MEI4: variants seen among roughly 807,000 people sequenced by gnomAD.
MEI4 encodes meiosis-specific protein MEI4.
In MEI4, 27 loss-of-function variants were observed where a neutral mutation model predicts 31.4. The ratio of observed to expected loss-of-function variants is 0.86; its 90% CI spans 0.63 to 1.19. MEI4 has a LOEUF of 1.19. Ranked by LOEUF, MEI4 falls within the 50% of genes most tolerant of loss-of-function variation. MEI4 has a pLI of 0.00. For synonymous variants in MEI4, 122 were observed against 145.4 expected, an observed-to-expected ratio of 0.84 and a Z score of 1.16; for missense variants, 329 against 398.9, an observed-to-expected ratio of 0.82 and a Z score of 1.49.
chr6:77,761,770 C>A (rs1768050624), intron 3 of MEI4, 105 bp downstream of exon 3: 12 of 738,380 alleles, frequency 1.6e-5, no homozygotes, highest in Non-Finnish European at 2.2e-5. Context: ...CTCAAGGAAT[C>A]CCTTATTGGG....
chr6:77,731,515 A>T (rs1165691033), intron 2 of MEI4, among the ~76,000 whole-genome samples: 5 of 151,252 alleles, frequency 3.3e-5, no homozygotes, highest in Non-Finnish European at 1.5e-5. Context: ...TTCATTGTAG[A>T]TTCTGGATAT....
At chr6:77,886,299 T>C (rs1771616233) in intron 4 of MEI4, among the ~76,000 whole-genome samples, 1 of 152,198 alleles carries the variant, frequency 6.6e-6, no homozygotes, top group African/African-American at 2.4e-5. Context: ...TGCACTTTTC[T>C]TTGTTGAGAG....
intron 4 of MEI4, among the ~76,000 whole-genome samples, chr6:77,844,637 TTTAA>T (rs1770436724): frequency 6.6e-6 from 1 of 152,182 alleles, no homozygotes; most frequent in Admixed American, 6.6e-5. Flanking sequence ...TATAAGTGTT[TTTAA>T]TTCTAAAATT....
chr6:77,712,842 G>A (rs1448391535), intron 2 of MEI4, among the ~76,000 whole-genome samples: 1 of 151,844 alleles, frequency 6.6e-6, no homozygotes, highest in Non-Finnish European at 1.5e-5. Context: ...GTGGTGGTGG[G>A]CGCCTGTAGT....
intron 2 of MEI4, among the ~76,000 whole-genome samples, chr6:77,758,798 G>A (rs1316041171): frequency 6.6e-6 from 1 of 151,868 alleles, no homozygotes; most frequent in Non-Finnish European, 1.5e-5. Flanking sequence ...TTTTTTATTT[G>A]TTTTTAATTG....
At chr6:77,771,912 C>T (rs12210144) in intron 3 of MEI4, among the ~76,000 whole-genome samples, 8,502 of 151,966 alleles carry the variant, frequency 0.056, 651 homozygotes, top group African/African-American at 0.17. Flanking sequence ...TATAACAAAC[C>T]TGCACCTGTA....
chr6:77,897,404 T>C (rs554197414), intron 4 of MEI4, among the ~76,000 whole-genome samples: 178 of 152,158 alleles, frequency 1.2e-3, no homozygotes, highest in Non-Finnish European at 2.2e-3. Context: ...ATTTTGCTAT[T>C]ACCTTGTTAC....
At chr6:77,688,876 C>T (rs1769107068) in intron 1 of MEI4, among the ~76,000 whole-genome samples, 2 of 151,990 alleles carry the variant, frequency 1.3e-5, no homozygotes. Flanking sequence ...GTCCACTGCT[C>T]CTATCGCTGA....
chr6:77,735,332 T>C (rs992356252), intron 2 of MEI4, among the ~76,000 whole-genome samples: 1 of 151,852 alleles, frequency 6.6e-6, no homozygotes, highest in Non-Finnish European at 1.5e-5. Context: ...TTTGCTCATT[T>C]CTTTTTATTC....
chr6:77,662,868 G>GA (rs1768539074), intron 1 of MEI4, among the ~76,000 whole-genome samples: 1 of 152,162 alleles, frequency 6.6e-6, no homozygotes, highest in East Asian at 1.9e-4. Context: ...ATAGGTAACA[G>GA]ATGAGGAAGA....
chr6:77,663,597 C>T (rs1480533274), intron 1 of MEI4, among the ~76,000 whole-genome samples: 1 of 152,020 alleles, frequency 6.6e-6, no homozygotes, highest in Admixed American at 6.6e-5. Flanking sequence ...AAGTTGGCAC[C>T]AGAGTTGGGG....
chr6:77,767,388 GAATAAATA>G (rs550095694), intron 3 of MEI4, among the ~76,000 whole-genome samples: 2 of 148,810 alleles, frequency 1.3e-5, no homozygotes, highest in Non-Finnish European at 1.5e-5. Context: ...ATAAATAAAT[GAATAAATA>G]AATAAATAAA....
intron 2 of MEI4, among the ~76,000 whole-genome samples, chr6:77,737,923 C>T (rs1468866960): frequency 1.3e-5 from 2 of 152,166 alleles, no homozygotes; most frequent in Non-Finnish European, 2.9e-5. Context: ...GTTTCAGCTT[C>T]TGAAGTCAAG....
chr6:77,703,541 A>G (rs568053644), intron 2 of MEI4, among the ~76,000 whole-genome samples: 4 of 152,038 alleles, frequency 2.6e-5, no homozygotes, highest in Non-Finnish European at 5.9e-5. Context: ...AATCATCTTT[A>G]TATTTAGGAT....
chr6:77,819,141 G>T (rs1467164275), intron 3 of MEI4, among the ~76,000 whole-genome samples: 1 of 152,098 alleles, frequency 6.6e-6, no homozygotes, highest in Non-Finnish European at 1.5e-5. Context: ...AAAGTGATAT[G>T]TTAATTTTAA....
rs982849379 is a variant in MEI4, at chr6:77,925,310, C to T, written c.*1964C>T. 1 of 151,736 alleles carries T rather than the reference C, an allele frequency of 6.6e-6. No individual in the cohort carries two copies. 9.4% of individuals were successfully genotyped at this position (151,736 alleles called of 1,614,324 possible). A position where few individuals can be genotyped will look rare whatever the true frequency, so the allele number is the denominator to read the frequency against. On this transcript the variant is annotated 3_prime_UTR_variant, in exon 5 of 5. Transcript: ENST00000684080. ...ACTGTGAATGCACAAAATGGAGAAA[C>T]ATTTTATTTCCATTTGGTATCCATT...
chr6:77,818,895 AT>A (rs148768677), intron 3 of MEI4, among the ~76,000 whole-genome samples: 20 of 147,902 alleles, frequency 1.4e-4, no homozygotes, highest in Admixed American at 2.7e-4. Context: ...ACACCCAACT[AT>A]TTTTTTTTTA....
At chr6:77,728,943 G>A (rs888817431) in intron 2 of MEI4, among the ~76,000 whole-genome samples, 2 of 152,194 alleles carry the variant, frequency 1.3e-5, no homozygotes, top group Non-Finnish European at 2.9e-5. Flanking sequence ...AGGGGATATA[G>A]TAGAACTGTG....
intron 3 of MEI4, among the ~76,000 whole-genome samples, chr6:77,802,117 A>C (rs981940315): frequency 6.6e-6 from 1 of 152,116 alleles, no homozygotes; most frequent in East Asian, 1.9e-4. Flanking sequence ...GTCTCTTTGT[A>C]GGTCTCTAAG....
Sources: allele counts gnomAD v4.1 joint callset (sites outside exome capture counted in the v4.1 genomes callset), GRCh38; gene constraint gnomAD v4.1.1; transcripts MANE v1.5; gene names NCBI Gene and HGNC (gene_info 2026-07-23, HGNC 2026-07-21).